Variants in OR52N2 observed in about 807,000 individuals in gnomAD.
OR52N2 encodes the protein olfactory receptor 52N2.
For synonymous variants in OR52N2, 129 were observed against 72.0 expected, an observed-to-expected ratio of 1.79 and a Z score of -4.01; for missense variants, 326 against 196.6, an observed-to-expected ratio of 1.66 and a Z score of -3.94.
intron 1 of OR52N2, among the ~76,000 whole-genome samples, chr11:5,819,017 G>A (rs116706690): frequency 3.0e-4 from 46 of 152,252 alleles, no homozygotes; most frequent in African/African-American, 1.1e-3. Flanking sequence ...TCTAGCCAGT[G>A]GACATGACAA....
chr11:5,821,306 T>C lies in OR52N2; in HGVS notation c.*5T>C, dbSNP rs757114012. On this transcript the variant is annotated 3_prime_UTR_variant, in exon 2 of 2. Transcript: ENST00000317037. ...AGTTTTACCTATGACAAATGAAACA[T>C]AGAATAGACATATTGTTTCAGGTGG... The C allele has an allele frequency of 6.5e-6, 5 of 769,948 alleles. No homozygotes were observed. In the African/African-American group the frequency reaches 8.5e-5, roughly 13 times the overall value. 47.7% of individuals were successfully genotyped at this position (769,948 alleles called of 1,614,324 possible). A position where few individuals can be genotyped will look rare whatever the true frequency, so the allele number is the denominator to read the frequency against.
chr11:5,821,424 C>A lies in OR52N2; in HGVS notation c.*123C>A. The A allele has an allele frequency of 5.1e-6, 3 of 591,524 alleles. No homozygotes were observed. The highest frequency in any genetic ancestry group is 2.3e-5 in the South Asian group (1 of 42,898). 36.6% of individuals were successfully genotyped at this position (591,524 alleles called of 1,614,324 possible). A position where few individuals can be genotyped will look rare whatever the true frequency, so the allele number is the denominator to read the frequency against. On this transcript the variant is annotated 3_prime_UTR_variant, in exon 2 of 2. Transcript: ENST00000317037. Reference sequence around the variant, plus strand: ...AATTTACCCATGTAACAAACTTGCACGTGTACCTAAAATAAAAATAGAAAT... The same window carrying A: ...AATTTACCCATGTAACAAACTTGCAAGTGTACCTAAAATAAAAATAGAAAT...
At chr11:5,809,310 CTCCCCCATGGGCTGGGG>C (rs1244964378) in intron 1 of OR52N2, among the ~76,000 whole-genome samples, 1 of 152,122 alleles carries the variant, frequency 6.6e-6, no homozygotes, top group Non-Finnish European at 1.5e-5. Flanking sequence ...TTCTGTGTCA[CTCCCCCATGGGCTGGGG>C]TCCCCCATGG....
At chr11:5,811,900 G>A (rs1393007252) in intron 1 of OR52N2, among the ~76,000 whole-genome samples, 1 of 152,130 alleles carries the variant, frequency 6.6e-6, no homozygotes, top group Admixed American at 6.5e-5. Flanking sequence ...CAAATATAAG[G>A]CAAAAGAGTT....
chr11:5,809,951 A>C (rs1397928514), intron 1 of OR52N2, among the ~76,000 whole-genome samples: 2 of 152,234 alleles, frequency 1.3e-5, no homozygotes, highest in Non-Finnish European at 2.9e-5. Context: ...AGTTTAAGGA[A>C]AGGAAGAGAG....
intron 1 of OR52N2, among the ~76,000 whole-genome samples, chr11:5,816,047 T>C (rs901430333): frequency 6.6e-6 from 1 of 152,150 alleles, no homozygotes; most frequent in African/African-American, 2.4e-5. Flanking sequence ...CTTAGGACAT[T>C]ATGCTAAATA....
chr11:5,813,940 G>A (rs959290130), intron 1 of OR52N2, among the ~76,000 whole-genome samples: 2 of 152,238 alleles, frequency 1.3e-5, no homozygotes. Context: ...TTCAATAAAT[G>A]CAGAAAAAGC....
At chr11:5,819,716 T>C (rs1382507972) in intron 1 of OR52N2, among the ~76,000 whole-genome samples, 2 of 152,204 alleles carry the variant, frequency 1.3e-5, no homozygotes, top group African/African-American at 4.8e-5. Context: ...TATTTTATTA[T>C]CTACTATGTA....
Position 5,821,075 on chromosome 11 carries a change from T to A in OR52N2, c.740T>A (p.Met247Lys). 1.3e-6 allele frequency: 1 copy of A among 781,028 alleles called. No individual in the cohort carries two copies. The allele number at this position is 781,028 out of a possible 1,614,324, so 48.4% of individuals were successfully genotyped here. A position where few individuals can be genotyped will look rare whatever the true frequency, so the allele number is the denominator to read the frequency against. Residue 247 changes from methionine (M) to lysine (K), a missense_variant, in exon 2 of 2, where the codon ATG becomes AAG. Transcript: ENST00000317037. ...GCCTTCAGCACCTGCACATCTCACA[T>A]GTGTTCCATTGTGATCACCTATGTT... ...HKAFSTCTSH[M>K]CSIVITYVAA...
At chr11:5,813,672 T>C (rs1846380816) in intron 1 of OR52N2, among the ~76,000 whole-genome samples, 1 of 152,154 alleles carries the variant, frequency 6.6e-6, no homozygotes, top group South Asian at 2.1e-4. Flanking sequence ...ACTTCCAAAC[T>C]CATTTTAATA....
intron 1 of OR52N2, among the ~76,000 whole-genome samples, chr11:5,815,144 T>G (rs1846394382): frequency 1.3e-5 from 2 of 152,084 alleles, no homozygotes; most frequent in African/African-American, 2.4e-5. Context: ...AGAAAAAATT[T>G]TATGACATTG....
chr11:5,814,119 A>G (rs976912532), intron 1 of OR52N2, among the ~76,000 whole-genome samples: 1 of 152,192 alleles, frequency 6.6e-6, no homozygotes, highest in African/African-American at 2.4e-5. Flanking sequence ...ATCCTCTTTC[A>G]CCACTTCTAT....
chr11:5,810,806 G>C (rs1479491166), intron 1 of OR52N2, among the ~76,000 whole-genome samples: 2 of 151,818 alleles, frequency 1.3e-5, no homozygotes, highest in East Asian at 3.9e-4. Flanking sequence ...TTACCTTTTT[G>C]TTGTTTTGTT....
rs1397455755 is a variant in OR52N2 at position 5,821,417 on chromosome 11, A to G, written c.*116A>G. ...GACATGTAATTTACCCATGTAACAA[A>G]CTTGCACGTGTACCTAAAATAAAAA... is the stretch of plus-strand genomic sequence containing the variant. On this transcript the variant is annotated 3_prime_UTR_variant, in exon 2 of 2. Coordinates refer to ENST00000317037, the MANE Select transcript of OR52N2 (RefSeq NM_001005174.3). 3 of 620,418 alleles carry G rather than the reference A, an allele frequency of 4.8e-6. No homozygotes were observed. The African/African-American group carries it at 5.5e-5, about 11-fold the overall frequency. 38.4% of individuals were successfully genotyped at this position (620,418 alleles called of 1,614,324 possible).
rs141976886 is a variant in OR52N2 at position 5,820,420 on chromosome 11, A to C, written c.85A>C (p.Ile29Leu). The change falls in exon 2 of 2, where the codon ATC (isoleucine) becomes CTC (leucine). Residue 29 changes from isoleucine (I) to leucine (L), a missense_variant. Physicochemically the swap from Ile to Leu is conservative, Grantham distance 5. Transcript: ENST00000317037. ...VPGLEATHIW[I>L]SLPFCFMYII... is the part of the protein sequence containing the mutation. ...TGGGCTGGAAGCCACACACATCTGG[A>C]TCTCCCTGCCATTCTGCTTTATGTA... 1.3e-6 allele frequency: 1 copy of C among 780,658 alleles called. No individual in the cohort carries two copies. The highest frequency in any genetic ancestry group is 1.7e-5 in the Admixed American group (1 of 59,012). 48.4% of individuals were successfully genotyped at this position (780,658 alleles called of 1,614,324 possible). A position where few individuals can be genotyped will look rare whatever the true frequency, so the allele number is the denominator to read the frequency against.
At position 5,821,319 on chromosome 11, in the gene OR52N2, T is replaced by C. The variant is rs372365838; in HGVS notation, c.*18T>C. 65 of 740,584 alleles carry C rather than the reference T, an allele frequency of 8.8e-5. 1 individual carries two copies. In the African/African-American group the frequency reaches 1.0e-3, roughly 12 times the overall value. The allele number at this position is 740,584 out of a possible 1,614,324, so 45.9% of individuals were successfully genotyped here. A position where few individuals can be genotyped will look rare whatever the true frequency, so the allele number is the denominator to read the frequency against. ...ACAAATGAAACATAGAATAGACATA[T>C]TGTTTCAGGTGGTGAGAAAATAATG... On this transcript the variant is annotated 3_prime_UTR_variant, in exon 2 of 2. Transcript: ENST00000317037.
intron 1 of OR52N2, among the ~76,000 whole-genome samples, chr11:5,818,663 G>A (rs1846423158): frequency 6.6e-6 from 1 of 152,082 alleles, no homozygotes; most frequent in Admixed American, 6.5e-5. Context: ...AAGGGGCAAT[G>A]TTTTTTACTT....
intron 1 of OR52N2, among the ~76,000 whole-genome samples, chr11:5,816,330 T>A (rs1457153004): frequency 6.6e-6 from 1 of 152,174 alleles, no homozygotes; most frequent in Non-Finnish European, 1.5e-5. Flanking sequence ...ATGGCAAACT[T>A]TGTTATGTAT....
intron 1 of OR52N2, among the ~76,000 whole-genome samples, chr11:5,820,034 A>C (rs1198710402): frequency 6.6e-6 from 1 of 152,210 alleles, no homozygotes; most frequent in Non-Finnish European, 1.5e-5. Context: ...GTACAGTATA[A>C]GAGTTGTGCT....
Sources: allele counts gnomAD v4.1 joint callset (sites outside exome capture counted in the v4.1 genomes callset), GRCh38; gene constraint gnomAD v4.1.1; transcripts MANE v1.5; gene names NCBI Gene and HGNC (gene_info 2026-07-23, HGNC 2026-07-21).